Variants in ACOXL observed in about 807,000 individuals in gnomAD.
ACOXL encodes acyl-CoA oxidase like.
A neutral mutation model predicts 71.9 loss-of-function variants in ACOXL; 70 were observed. The ratio of observed to expected loss-of-function variants is 0.97; its 90% confidence interval spans 0.80 to 1.19. The LOEUF (loss-of-function observed/expected upper bound fraction) is 1.19. Ranked by LOEUF, ACOXL falls within the 50% of genes most tolerant of loss-of-function variation. ACOXL has a pLI of 0.00. For missense variants in ACOXL, 703 were observed against 736.3 expected (o/e 0.95, Z 0.52); for synonymous variants, 253 against 281.6 (o/e 0.90, Z 1.02).
chr2:111,086,456 CAA>C (rs1253996123), intron 16 of ACOXL, among the ~76,000 whole-genome samples: 1 of 152,128 alleles, frequency 6.6e-6, no homozygotes, highest in East Asian at 1.9e-4. Context: ...GAACTAAAGA[CAA>C]AAACCATATG....
chr2:110,766,944 T>G (rs1681157887), intron 1 of ACOXL, among the ~76,000 whole-genome samples: 1 of 152,140 alleles, frequency 6.6e-6, no homozygotes, highest in South Asian at 2.1e-4. Context: ...AGGTGGAAGG[T>G]TAACTCTCCC....
chr2:110,807,697 C>T (rs1446269259), intron 9 of ACOXL, among the ~76,000 whole-genome samples: 1 of 152,206 alleles, frequency 6.6e-6, no homozygotes, highest in African/African-American at 2.4e-5. Context: ...CCGCTGTGAT[C>T]TCATCTCCAG....
intron 16 of ACOXL, among the ~76,000 whole-genome samples, chr2:111,074,719 C>G (rs1489070266): frequency 6.6e-6 from 1 of 152,062 alleles, no homozygotes; most frequent in Non-Finnish European, 1.5e-5. Context: ...CTCAGCCTCT[C>G]AAATACCTGG....
intron 12 of ACOXL, among the ~76,000 whole-genome samples, chr2:110,938,260 C>T (rs928988300): frequency 2.0e-5 from 3 of 152,148 alleles, no homozygotes; most frequent in African/African-American, 7.2e-5. Flanking sequence ...CCATGACAGG[C>T]ATGGGCTGGG....
intron 14 of ACOXL, among the ~76,000 whole-genome samples, chr2:110,998,857 C>T (rs1015175370): frequency 4.6e-5 from 7 of 152,180 alleles, no homozygotes; most frequent in Non-Finnish European, 1.5e-5. Context: ...AAAGCACAGA[C>T]TCTCAGATTA....
chr2:110,981,235 G>C (rs977860096), intron 12 of ACOXL, among the ~76,000 whole-genome samples: 3 of 152,222 alleles, frequency 2.0e-5, no homozygotes, highest in African/African-American at 7.2e-5. Context: ...GCAGGCGCCT[G>C]TAATCCCAGC....
rs1013873536 is a variant in ACOXL at position 111,073,407 on chromosome 2, A to G, written c.1441-19458A>G. On this transcript the variant is annotated intron_variant, in intron 16 of 17. Coordinates refer to ENST00000439055, the MANE Select transcript of ACOXL (RefSeq NM_001142807.4). ...GTTTTTTTGTTTTACATTTAGATTT[A>G]TAATTCATTTTGACCTGATTTGTCT... Among the ~76,000 whole-genome samples, 8 of 152,156 alleles carry G rather than the reference A, an allele frequency of 5.3e-5. 1 individual carries two copies. The highest frequency in any genetic ancestry group is 3.9e-4 in the Admixed American group (6 of 15,272).
At chr2:110,773,345 A>T (rs1234601651) in intron 2 of ACOXL, among the ~76,000 whole-genome samples, 2 of 152,068 alleles carry the variant, frequency 1.3e-5, no homozygotes, top group Admixed American at 1.3e-4. Flanking sequence ...TTACTTTTCT[A>T]CTCAGACCTT....
At chr2:110,766,514 G>T (rs1279452489) in intron 1 of ACOXL, among the ~76,000 whole-genome samples, 1 of 152,158 alleles carries the variant, frequency 6.6e-6, no homozygotes, top group African/African-American at 2.4e-5. Flanking sequence ...CATCAGGAAG[G>T]GGGAAGTTGA....
chr2:111,022,212 A>C (rs1229617595), intron 14 of ACOXL, among the ~76,000 whole-genome samples: 1 of 151,874 alleles, frequency 6.6e-6, no homozygotes, highest in African/African-American at 2.4e-5. Context: ...AACAAATACA[A>C]AAATTAGCCA....
intron 15 of ACOXL, among the ~76,000 whole-genome samples, chr2:111,036,424 G>A (rs1024186736): frequency 6.6e-6 from 1 of 152,184 alleles, no homozygotes; most frequent in Admixed American, 6.5e-5. Flanking sequence ...TTAAATGTGT[G>A]GGCAGTGGAA....
intron 7 of ACOXL, among the ~76,000 whole-genome samples, chr2:110,801,022 C>T (rs1364483316): frequency 6.6e-6 from 1 of 152,160 alleles, no homozygotes; most frequent in Non-Finnish European, 1.5e-5. Flanking sequence ...AGATTGTTTT[C>T]CCCTAGGTTA....
chr2:111,088,265 C>T (rs1488552341), intron 16 of ACOXL, among the ~76,000 whole-genome samples: 1 of 152,192 alleles, frequency 6.6e-6, no homozygotes, highest in East Asian at 1.9e-4. Flanking sequence ...AGCAGAATTA[C>T]CATTCAACCC....
chr2:110,786,846 T>C (rs1684019345), intron 3 of ACOXL, among the ~76,000 whole-genome samples: 1 of 152,230 alleles, frequency 6.6e-6, no homozygotes, highest in African/African-American at 2.4e-5. Context: ...CAACAAACTA[T>C]TTGTAATGAA....
chr2:110,907,504 T>G (rs1245168195), intron 10 of ACOXL, among the ~76,000 whole-genome samples: 4 of 152,158 alleles, frequency 2.6e-5, no homozygotes, highest in Admixed American at 2.6e-4. Context: ...ACTGACAGCC[T>G]TTTCATTTGG....
At chr2:110,851,566 A>G (rs1466040349) in intron 10 of ACOXL, among the ~76,000 whole-genome samples, 3 of 152,202 alleles carry the variant, frequency 2.0e-5, no homozygotes, top group Admixed American at 6.5e-5. Flanking sequence ...CAGGTCTTCC[A>G]TCAGCTCTGG....
chr2:110,817,942 A>G (rs888429698), intron 9 of ACOXL, among the ~76,000 whole-genome samples: 2 of 137,606 alleles, frequency 1.5e-5, no homozygotes, highest in African/African-American at 2.7e-5. Context: ...GTTTCAATCC[A>G]TGCTCCTGAC....
At chr2:110,741,006 A>G (rs1320348406) in intron 1 of ACOXL, among the ~76,000 whole-genome samples, 1 of 152,166 alleles carries the variant, frequency 6.6e-6, no homozygotes, top group Admixed American at 6.5e-5. Flanking sequence ...GGAGGAAACA[A>G]AGGCTTAAGG....
At chr2:110,981,103 C>T (rs2062688812) in intron 12 of ACOXL, among the ~76,000 whole-genome samples, 1 of 152,158 alleles carries the variant, frequency 6.6e-6, no homozygotes, top group Non-Finnish European at 1.5e-5. Context: ...TGGCTCATGC[C>T]CATAATCCCA....
Sources: gnomAD v4.1 joint callset for allele counts (sites outside exome capture counted in the v4.1 genomes callset) on GRCh38, gnomAD v4.1.1 for gene constraint, MANE v1.5 for transcripts, NCBI Gene and HGNC (gene_info 2026-07-23, HGNC 2026-07-21) for gene names.